Variants in TAF3 observed in about 807,000 individuals in gnomAD.
The protein encoded by TAF3 is TATA-box binding protein associated factor 3, also known as transcription initiation factor TFIID subunit 3.
Under a neutral mutation model 80.6 loss-of-function variants are expected in TAF3, and 7 were observed. The ratio of observed to expected loss-of-function variants is 0.09; its 90% CI spans 0.05 to 0.16. The LOEUF is 0.16. Among genes scored for constraint, TAF3 ranks in the 10% least tolerant of loss-of-function variants. TAF3 has a pLI of 1.00. For synonymous variants in TAF3, 444 were observed against 446.1 expected (o/e 1.00, Z 0.06); for missense variants, 921 against 1,140.2 (o/e 0.81, Z 2.77).
chr10:8,013,651 A>C, intron 5 of TAF3, 80 bp from the exon 6 acceptor site: 5 of 1,121,694 alleles, frequency 4.5e-6, no homozygotes, highest in Non-Finnish European at 6.7e-6. Flanking sequence ...AACAGTATAA[A>C]GTAATCATTC....
intron 4 of TAF3, among the ~76,000 whole-genome samples, chr10:7,999,120 C>G (rs1831918459): frequency 6.6e-6 from 1 of 152,046 alleles, no homozygotes; most frequent in East Asian, 1.9e-4. Context: ...GAGGAAAGAA[C>G]AGAGGAAATG....
intron 2 of TAF3, among the ~76,000 whole-genome samples, chr10:7,877,675 T>C (rs1227898190): frequency 6.6e-6 from 1 of 152,208 alleles, no homozygotes; most frequent in Non-Finnish European, 1.5e-5. Context: ...TAAAGTGCCC[T>C]CTGAGATTAC....
chr10:7,922,437 G>A (rs1837771956), intron 2 of TAF3, among the ~76,000 whole-genome samples: 1 of 151,958 alleles, frequency 6.6e-6, no homozygotes, highest in African/African-American at 2.4e-5. Flanking sequence ...GTAAAACATA[G>A]ATGATTATCA....
In TAF3 at chr10:7,964,533, C is replaced by T. The variant is rs372165400; in HGVS notation, c.1023C>T (p.Asn341=). 2 of 1,613,596 alleles carry T rather than the reference C, an allele frequency of 1.2e-6. No homozygotes were observed. The highest frequency in any genetic ancestry group is 2.2e-5 in the South Asian group (2 of 91,028). The change falls in exon 3 of 7, where the codon AAC becomes AAT. Residue 341 remains asparagine, a synonymous_variant. Coordinates refer to ENST00000344293, the MANE Select transcript of TAF3 (RefSeq NM_031923.4). The surrounding 1 kb of genome is among the most constrained non-coding windows in gnomAD (Gnocchi z 4.1). ...PQTPVRPETP[N]RTPSATLSEK... ...CACCTGTGAGACCTGAAACGCCCAA[C>T]AGGACTCCTTCAGCTACACTCAGTG...
intron 2 of TAF3, among the ~76,000 whole-genome samples, chr10:7,920,135 C>T (rs1202571227): frequency 6.6e-6 from 1 of 151,998 alleles, no homozygotes; most frequent in African/African-American, 2.4e-5. Flanking sequence ...TGGCTGTATT[C>T]CCAGCTACTT....
intron 2 of TAF3, among the ~76,000 whole-genome samples, chr10:7,922,943 C>G (rs1257049808): frequency 6.6e-6 from 1 of 152,048 alleles, no homozygotes; most frequent in Non-Finnish European, 1.5e-5. Context: ...CTTCCAGATT[C>G]TACACTTAAA....
intron 2 of TAF3, among the ~76,000 whole-genome samples, chr10:7,939,512 A>G (rs957864151): frequency 2.1e-4 from 32 of 151,904 alleles, no homozygotes; most frequent in African/African-American, 7.5e-4. Flanking sequence ...AATGAAAGGT[A>G]TCCCACATGA....
intron 2 of TAF3, among the ~76,000 whole-genome samples, chr10:7,842,163 TGTTTTTTTTTTTG>T (rs1387380720): frequency 0.015 from 1,315 of 90,254 alleles, 65 homozygotes; most frequent in Non-Finnish European, 0.023. Flanking sequence ...TTTTTTTTTT[TGTTTTTTTTTTTG>T]TTTTTTTTTT....
intron 2 of TAF3, among the ~76,000 whole-genome samples, chr10:7,846,761 A>T (rs1160242720): frequency 6.6e-6 from 1 of 152,176 alleles, no homozygotes; most frequent in Non-Finnish European, 1.5e-5. Context: ...ACATTTTACT[A>T]TTTTATCGTT....
intron 2 of TAF3, among the ~76,000 whole-genome samples, chr10:7,844,378 C>CTT (rs370650612): frequency 0.18 from 23,555 of 134,154 alleles, 2,243 homozygotes; most frequent in Admixed American, 0.22. Flanking sequence ...TCTTCTTGTT[C>CTT]TTTTTTTTTT....
At chr10:7,869,873 T>C (rs183694937) in intron 2 of TAF3, among the ~76,000 whole-genome samples, 17 of 152,374 alleles carry the variant, frequency 1.1e-4, no homozygotes, top group Admixed American at 5.2e-4. Flanking sequence ...AAACTATTTG[T>C]ACTTTTTCCA....
At chr10:7,865,189 CG>C (rs1489325832) in intron 2 of TAF3, among the ~76,000 whole-genome samples, 5 of 151,912 alleles carry the variant, frequency 3.3e-5, no homozygotes, top group Admixed American at 1.3e-4. Context: ...AAGTAGGGGC[CG>C]GGCATGGTGG....
intron 2 of TAF3, among the ~76,000 whole-genome samples, chr10:7,962,274 A>G (rs926104182): frequency 6.6e-6 from 1 of 152,014 alleles, no homozygotes; most frequent in South Asian, 2.1e-4. Flanking sequence ...GATCATTTCC[A>G]CTGTTCTAGC....
intron 2 of TAF3, among the ~76,000 whole-genome samples, chr10:7,871,722 G>A (rs1051572272): frequency 1.3e-5 from 2 of 152,044 alleles, no homozygotes; most frequent in Admixed American, 6.6e-5. Context: ...GGAATTACAG[G>A]CGGGAGCCAC....
chr10:7,959,140 A>T (rs200052475), intron 2 of TAF3, among the ~76,000 whole-genome samples: 12 of 19,228 alleles, frequency 6.2e-4, no homozygotes, highest in East Asian at 6.0e-3. Flanking sequence ...ATTCTGTCTC[A>T]CACACACACA....
At chr10:7,875,427 G>A (rs1485312229) in intron 2 of TAF3, among the ~76,000 whole-genome samples, 1 of 152,112 alleles carries the variant, frequency 6.6e-6, no homozygotes, top group South Asian at 2.1e-4. Context: ...CTCAACATTA[G>A]GTCAATTTAT....
At chr10:7,848,790 C>G (rs1178399222) in intron 2 of TAF3, among the ~76,000 whole-genome samples, 2 of 152,110 alleles carry the variant, frequency 1.3e-5, no homozygotes, top group Non-Finnish European at 2.9e-5. Flanking sequence ...TTGGCATAAA[C>G]TTTATGCCAA....
intron 2 of TAF3, among the ~76,000 whole-genome samples, chr10:7,947,632 G>A (rs963879049): frequency 1.3e-5 from 2 of 152,186 alleles, no homozygotes; most frequent in South Asian, 2.1e-4. Context: ...GGGCTGCTGC[G>A]AGAGCGTTGG....
At chr10:7,945,838 A>G (rs1223717843) in intron 2 of TAF3, among the ~76,000 whole-genome samples, 2 of 152,116 alleles carry the variant, frequency 1.3e-5, no homozygotes, top group Non-Finnish European at 2.9e-5. Flanking sequence ...CTGTCTCCCT[A>G]GCACTTACTG....
Sources: allele counts gnomAD v4.1 joint callset (sites outside exome capture counted in the v4.1 genomes callset), GRCh38; gene constraint gnomAD v4.1.1; non-coding constraint Gnocchi (gnomAD v3.1); transcripts MANE v1.5; gene names NCBI Gene and HGNC (gene_info 2026-07-23, HGNC 2026-07-21).